CD8A: variants seen among roughly 807,000 people sequenced by gnomAD.
CD8A encodes the protein T-cell surface glycoprotein CD8 alpha chain.
In CD8A, 25 loss-of-function variants were observed where a neutral mutation model predicts 24.2. The observed-to-expected ratio is 1.03, with a 90% CI of 0.75 to 1.44. CD8A has a LOEUF of 1.44. CD8A is among the 40% of genes most tolerant of loss of function. CD8A has a pLI of 0.00. For missense variants in CD8A, 360 were observed against 319.7 expected (o/e 1.13, Z -0.96); for synonymous variants, 165 against 149.9 (o/e 1.10, Z -0.74).
chr2:86,803,278 G>A (rs1414775638), intron 2 of CD8A, among the ~76,000 whole-genome samples: 1 of 152,170 alleles, frequency 6.6e-6, no homozygotes, highest in Non-Finnish European at 1.5e-5. Context: ...CATACCCAAA[G>A]GAAATGAAAT....
At chr2:86,787,898 A>AGAGAGAGTGTGTGTATGTGT (rs369993109) in intron 5 of CD8A, among the ~76,000 whole-genome samples, 1 of 144,490 alleles carries the variant, frequency 6.9e-6, no homozygotes, top group Non-Finnish European at 1.5e-5. Context: ...AGAGAGAGAG[A>AGAGAGAGTGTGTGTATGTGT]GTGTGTGTGT....
At chr2:86,793,918 G>A (rs532975007), upstream of CD8A, among the ~76,000 whole-genome samples, 2 of 152,158 alleles carry the variant, frequency 1.3e-5, no homozygotes, top group South Asian at 4.1e-4. Context: ...GGGTGGGGAG[G>A]ATAAGGCAAC....
chr2:86,790,259 GGT>G, intron 2 of CD8A, 67 bp downstream of exon 2: 1 of 1,114,996 alleles, frequency 9.0e-7, no homozygotes, highest in Non-Finnish European at 1.4e-6. Context: ...GCAGGGCCCA[GGT>G]GTGGAAAACA....
chr2:86,785,143 G>A lies in CD8A; in HGVS notation c.*777C>T, dbSNP rs1371959184. The A allele has an allele frequency of 4.4e-6, 2 of 453,932 alleles. No homozygotes were observed. The highest frequency in any genetic ancestry group is 8.8e-6 in the Non-Finnish European group (2 of 226,790). 28.1% of individuals were successfully genotyped at this position (453,932 alleles called of 1,614,324 possible). A position where few individuals can be genotyped will look rare whatever the true frequency, so the allele number is the denominator to read the frequency against. On this transcript the variant is annotated 3_prime_UTR_variant, in exon 6 of 6. Transcript: ENST00000283635. ...TTTCATGGGCCCCTCTGCAATGCAAGGGCTGGGAGAGCAATTCCGCCTCCA... is the reference window on the plus strand; with the variant it reads ...TTTCATGGGCCCCTCTGCAATGCAAAGGCTGGGAGAGCAATTCCGCCTCCA...
chr2:86,796,235 G>C (rs1673479009), intron 3 of CD8A, among the ~76,000 whole-genome samples: 2 of 152,160 alleles, frequency 1.3e-5, no homozygotes, highest in Non-Finnish European at 2.9e-5. Flanking sequence ...ATATTAGCAT[G>C]GTGAAGTGTT....
intron 3 of CD8A, 73 bp downstream of exon 3, chr2:86,789,565 GTA>G: frequency 7.6e-7 from 1 of 1,308,390 alleles, no homozygotes; most frequent in Non-Finnish European, 1.1e-6. Context: ...TCTACCTACA[GTA>G]TCAGGGCTGT....
chr2:86,789,613 C>G, intron 3 of CD8A, 27 bp downstream of exon 3: 1 of 1,462,446 alleles, frequency 6.8e-7, no homozygotes, highest in Non-Finnish European at 9.1e-7. Context: ...GCGTGCCGCC[C>G]CCGCCCCGGG....
In CD8A at chr2:86,806,606, C is replaced by T. The variant is rs76486294; in HGVS notation, c.-418+841G>A. On this transcript the variant is annotated intron_variant, in intron 2 of 8. Transcript: ENST00000409511. ...GAGGTCAACTGCCCTTTGGGCGGGG[C>T]ACGTTGGCTCACGCATCTAATCCCA... is the stretch of plus-strand genomic sequence containing the variant. Among the ~76,000 whole-genome samples the T allele has an allele frequency of 5.7e-3, 875 of 152,340 alleles. 10 individuals carry two copies. Among genetic ancestry groups the T allele is most frequent in the African/African-American group, 0.02 (825 of 41,578 alleles).
chr2:86,793,654 T>C (rs946296920), upstream of CD8A, among the ~76,000 whole-genome samples: 4 of 152,338 alleles, frequency 2.6e-5, no homozygotes, highest in South Asian at 8.3e-4. Context: ...GTAAGGAAGA[T>C]GGCTAGACAC....
chr2:86,790,603 C>A lies in CD8A; in HGVS notation c.128G>T (p.Cys43Phe). Reference protein sequence around the residue: ...WNLGETVELKCQVLLSNPTSG... With the variant: ...WNLGETVELKFQVLLSNPTSG... ...CGTCGGGTTGGACAGCAGCACCTGG[C>A]ACTTCAGCTCCACTGTCTCGCCCAG... is the stretch of plus-strand genomic sequence containing the variant. The change falls in exon 2 of 6, where the codon TGC becomes TTC. Residue 43 changes from cysteine to phenylalanine, a missense_variant. Coordinates refer to ENST00000283635, the MANE Select transcript of CD8A (RefSeq NM_001768.7). 1 of 1,609,820 alleles carries A rather than the reference C, an allele frequency of 6.2e-7. No homozygotes were observed. The highest frequency in any genetic ancestry group is 8.5e-7 in the Non-Finnish European group (1 of 1,179,524).
intron 2 of CD8A, among the ~76,000 whole-genome samples, chr2:86,806,514 T>C (rs932447036): frequency 3.9e-5 from 6 of 152,232 alleles, no homozygotes; most frequent in Non-Finnish European, 7.3e-5. Flanking sequence ...TTTCTTAGTA[T>C]GGTTTGTACC....
At chr2:86,792,069 C>G (rs1450045920), upstream of CD8A, among the ~76,000 whole-genome samples, 1 of 152,142 alleles carries the variant, frequency 6.6e-6, no homozygotes, top group East Asian at 1.9e-4. Context: ...ACTGGAGTCT[C>G]GCTGTTTTGC....
intron 2 of CD8A, 123 bp downstream of exon 2, chr2:86,790,205 G>A (rs1356635018): frequency 3.3e-5 from 25 of 762,592 alleles, no homozygotes; most frequent in Non-Finnish European, 4.6e-5. Context: ...TGTGAAATGG[G>A]AACAGTATCT....
chr2:86,789,843 TC>T (rs915137458), intron 2 of CD8A, 93 bp from the exon 3 acceptor site: 9 of 706,004 alleles, frequency 1.3e-5, no homozygotes, highest in East Asian at 3.4e-5. Context: ...CGGGGACGCC[TC>T]CCCCCGGTTT....
intron 3 of CD8A, among the ~76,000 whole-genome samples, chr2:86,801,265 G>A: frequency 6.6e-6 from 1 of 151,864 alleles, no homozygotes. Flanking sequence ...AGATAACATT[G>A]TCTCCCTCCC....
At chr2:86,790,729 G>GCC in intron 1 of CD8A, 48 bp from the exon 2 acceptor site, 1 of 680,288 alleles carries the variant, frequency 1.5e-6, no homozygotes, top group African/African-American at 1.9e-5. Flanking sequence ...CGCGCCCCCC[G>GCC]CCCCCCGCCC....
intron 5 of CD8A, 117 bp from the exon 6 acceptor site, chr2:86,786,088 G>A (rs1672987476): frequency 1.2e-6 from 1 of 833,014 alleles, no homozygotes; most frequent in Non-Finnish European, 2.1e-6. Flanking sequence ...ACCTGTTCCT[G>A]GGGCACCAGC....
Position 86,790,587 on chromosome 2 carries a change from G to A in CD8A, c.144C>T (p.Ser48=), listed in dbSNP as rs904025288. 1 of 1,611,892 alleles carries A rather than the reference G, an allele frequency of 6.2e-7. No individual in the cohort carries two copies. The highest frequency in any genetic ancestry group is 1.3e-5 in the African/African-American group (1 of 75,048). The change falls in exon 2 of 6, where the codon TCC becomes TCT. Residue 48 remains serine (S), a synonymous_variant. Coordinates refer to ENST00000283635, the MANE Select transcript of CD8A (RefSeq NM_001768.7). ...GCCACGAGCAGCCCGACGTCGGGTTGGACAGCAGCACCTGGCACTTCAGCT... is the reference window on the plus strand; with the variant it reads ...GCCACGAGCAGCCCGACGTCGGGTTAGACAGCAGCACCTGGCACTTCAGCT... ...TVELKCQVLL[S]NPTSGCSWLF...
chr2:86,793,825 T>C (rs1372368374), upstream of CD8A, among the ~76,000 whole-genome samples: 2 of 152,182 alleles, frequency 1.3e-5, no homozygotes, highest in Non-Finnish European at 2.9e-5. Context: ...GGAAATCAGC[T>C]TGGGGGCCTT....
Sources: allele counts gnomAD v4.1 joint callset (sites outside exome capture counted in the v4.1 genomes callset), GRCh38; gene constraint gnomAD v4.1.1; transcripts MANE v1.5; gene names NCBI Gene and HGNC (gene_info 2026-07-23, HGNC 2026-07-21).